The following DUSP16 variants were observed in gnomAD, a reference collection of about 807,000 sequenced individuals.
The protein encoded by DUSP16 is dual specificity phosphatase 16, also known as dual specificity protein phosphatase 16.
DUSP16 carries 21 observed loss-of-function variants against 58.3 expected under a neutral mutation model. The observed-to-expected ratio is 0.36, with a 90% CI of 0.26 to 0.52. DUSP16 has a LOEUF of 0.52. Ranked by LOEUF, DUSP16 falls within the 20% of genes least tolerant of loss-of-function variation. The pLI, the probability that DUSP16 is intolerant of heterozygous loss-of-function variation, is 0.94. For missense variants in DUSP16, 726 were observed against 819.0 expected (o/e 0.89, Z 1.39); for synonymous variants, 320 against 323.8 (o/e 0.99, Z 0.12).
intron 3 of DUSP16, among the ~76,000 whole-genome samples, chr12:12,505,285 C>G (rs1943976075): frequency 6.6e-6 from 1 of 152,202 alleles, no homozygotes; most frequent in African/African-American, 2.4e-5. Context: ...TCATGGGGTC[C>G]TGGCCTCCCC....
rs1163510372 is a variant in DUSP16 at position 12,562,475 on chromosome 12, GT to G, written c.-725del. On this transcript the variant is annotated 5_prime_UTR_variant, in exon 1 of 7. It removes the in-frame stop codon of an upstream open reading frame in the 5' UTR. Transcript: ENST00000298573. ...GGGGGGCCGCGTTGTGAAAGTGGGG[GT>G]TGGGGGGGAGAGAGAGGTGGTAATA... 6 of 146,832 alleles carry G rather than the reference GT, an allele frequency of 4.1e-5. No individual in the cohort carries two copies. Among genetic ancestry groups the G allele is most frequent in the African/African-American group, 1.5e-4 (6 of 40,038 alleles). 9.1% of individuals were successfully genotyped at this position (146,832 alleles called of 1,614,324 possible). A position where few individuals can be genotyped will look rare whatever the true frequency, so the allele number is the denominator to read the frequency against.
rs1391098766 is a variant in DUSP16 at position 12,521,207 on chromosome 12, T to G, written c.-109A>C. The G allele has an allele frequency of 8.0e-6, 12 of 1,507,242 alleles. No individual in the cohort carries two copies. Among genetic ancestry groups the G allele is most frequent in the Non-Finnish European group, 1.1e-5 (12 of 1,128,460 alleles). The allele number at this position is 1,507,242 out of a possible 1,614,324, so 93.4% of individuals were successfully genotyped here. On this transcript the variant is annotated 5_prime_UTR_variant, in exon 2 of 7. Transcript: ENST00000298573. ...TCCATTGTACTAAAAGTGTATGAGG[T>G]CAGGCTGGTGGTGACTGGCAAAAGG...
chr12:12,540,899 A>G (rs1414017844), intron 1 of DUSP16, among the ~76,000 whole-genome samples: 1 of 144,602 alleles, frequency 6.9e-6, no homozygotes, highest in African/African-American at 2.6e-5. Context: ...GCACAGATTC[A>G]TCTTTCTTCA....
intron 1 of DUSP16, among the ~76,000 whole-genome samples, chr12:12,530,911 T>C (rs1447402623): frequency 2.0e-5 from 3 of 152,140 alleles, no homozygotes; most frequent in Admixed American, 6.6e-5. Flanking sequence ...GCTTTCAAGG[T>C]TCTCTCCTTG....
chr12:12,483,762 G>A (rs1362769522), intron 5 of DUSP16, among the ~76,000 whole-genome samples: 1 of 151,944 alleles, frequency 6.6e-6, no homozygotes, highest in East Asian at 1.9e-4. Flanking sequence ...TCTGTTACTG[G>A]CACATTAACT....
intron 3 of DUSP16, among the ~76,000 whole-genome samples, chr12:12,513,806 T>C (rs1336468224): frequency 2.0e-5 from 3 of 152,228 alleles, no homozygotes; most frequent in South Asian, 2.1e-4. Flanking sequence ...CTTTTCCATA[T>C]GTCAGCATAA....
Position 12,532,774 on chromosome 12 carries a change from C to G in DUSP16, c.-365-11311G>C, listed in dbSNP as rs1030038262. Among the ~76,000 whole-genome samples the G allele has an allele frequency of 2.0e-5, 3 of 151,880 alleles. No individual in the cohort carries two copies. The East Asian group carries it at 5.8e-4, about 29-fold the overall frequency. ...AACTACTTGGCCAACATGGTGAAAC[C>G]CCATCTCTACTAAAAATACAAAACT... On this transcript the variant is annotated intron_variant, in intron 1 of 6. Transcript: ENST00000298573.
chr12:12,536,158 G>GT (rs1219980319), intron 1 of DUSP16, among the ~76,000 whole-genome samples: 1 of 152,168 alleles, frequency 6.6e-6, no homozygotes, highest in East Asian at 1.9e-4. Flanking sequence ...GTCTAGAATG[G>GT]TAACTATAAA....
chr12:12,504,588 T>C (rs534212938), intron 3 of DUSP16, among the ~76,000 whole-genome samples: 1 of 151,376 alleles, frequency 6.6e-6, no homozygotes, highest in Admixed American at 6.6e-5. Flanking sequence ...TAAAGAACTG[T>C]CTTCATATAT....
chr12:12,527,734 G>A (rs1304570735), intron 1 of DUSP16, among the ~76,000 whole-genome samples: 1 of 152,116 alleles, frequency 6.6e-6, no homozygotes, highest in African/African-American at 2.4e-5. Context: ...CACATATTCT[G>A]ACAAGTGATG....
intron 1 of DUSP16, among the ~76,000 whole-genome samples, chr12:12,535,437 T>C (rs1944451126): frequency 6.6e-6 from 1 of 152,216 alleles, no homozygotes; most frequent in Non-Finnish European, 1.5e-5. Context: ...TTTTTTCTTT[T>C]TTAAGAGGTT....
At chr12:12,485,694 T>C (rs1943668754) in intron 5 of DUSP16, among the ~76,000 whole-genome samples, 1 of 151,888 alleles carries the variant, frequency 6.6e-6, no homozygotes, top group Non-Finnish European at 1.5e-5. Context: ...TTGCCCAAGC[T>C]GGTCTCGAAC....
In DUSP16 at chr12:12,545,459, T is replaced by TC. The variant is rs1266175951; in HGVS notation, c.-366+16657_-366+16658insG. On this transcript the variant is annotated intron_variant, in intron 1 of 6. Transcript: ENST00000298573. ...TTTGTGTACTTTTTTTTTTTTTTTT[T>TC]TCCGTAAAGACAAGGTTTCACCATG... Among the ~76,000 whole-genome samples the TC allele has an allele frequency of 2.6e-4, 39 of 150,880 alleles. No homozygotes were observed. In the East Asian group the frequency reaches 7.6e-3, roughly 29 times the overall value.
intron 3 of DUSP16, among the ~76,000 whole-genome samples, chr12:12,509,666 A>C (rs1478593601): frequency 6.6e-6 from 1 of 152,204 alleles, no homozygotes; most frequent in East Asian, 1.9e-4. Context: ...ATGGATAAGA[A>C]TTATCCATAA....
chr12:12,556,091 GA>G (rs1217962348), intron 1 of DUSP16, among the ~76,000 whole-genome samples: 1 of 152,106 alleles, frequency 6.6e-6, no homozygotes, highest in African/African-American at 2.4e-5. Flanking sequence ...AGGAAATCAA[GA>G]GAGCACTAAA....
Position 12,562,783 on chromosome 12 carries a change from G to T in DUSP16, c.-1032C>A, listed in dbSNP as rs1299872983. 6.6e-6 allele frequency among the ~76,000 whole-genome samples: 1 copy of T among 151,400 alleles called. No homozygotes were observed. The highest frequency in any genetic ancestry group is 6.6e-5 in the Admixed American group (1 of 15,188). On this transcript the variant is annotated 5_prime_UTR_variant, in exon 1 of 7. Coordinates refer to ENST00000298573, the MANE Select transcript of DUSP16 (RefSeq NM_030640.3). ...GCTCGCCCATCCCGCGGCCGCCCGA[G>T]CCCGGAGCGCGGCTCCGCGCCTCGT...
At chr12:12,499,476 A>G (rs973615835) in intron 4 of DUSP16, among the ~76,000 whole-genome samples, 4 of 152,186 alleles carry the variant, frequency 2.6e-5, no homozygotes, top group Non-Finnish European at 4.4e-5. Context: ...AAAAGGCAGG[A>G]GTTTTAAACA....
At chr12:12,514,211 T>C (rs1328790892) in intron 3 of DUSP16, among the ~76,000 whole-genome samples, 1 of 152,186 alleles carries the variant, frequency 6.6e-6, no homozygotes, top group Non-Finnish European at 1.5e-5. Flanking sequence ...TTATCCAAAG[T>C]TGCCATAAGG....
intron 4 of DUSP16, among the ~76,000 whole-genome samples, chr12:12,490,353 TA>T (rs1310471426): frequency 3.3e-5 from 5 of 152,086 alleles, no homozygotes; most frequent in Admixed American, 2.0e-4. Flanking sequence ...TTTTTTGGAA[TA>T]GTAAGATGGG....
Sources: allele counts gnomAD v4.1 joint callset (sites outside exome capture counted in the v4.1 genomes callset), GRCh38; gene constraint gnomAD v4.1.1; transcripts MANE v1.5; gene names NCBI Gene and HGNC (gene_info 2026-07-23, HGNC 2026-07-21).